Variants in QSOX1 observed in about 807,000 individuals in gnomAD.
QSOX1 encodes the protein sulfhydryl oxidase 1.
A neutral mutation model predicts 76.1 loss-of-function variants in QSOX1; 40 were observed. The ratio of observed to expected loss-of-function variants is 0.53; its 90% CI spans 0.41 to 0.68. The LOEUF (loss-of-function observed/expected upper bound fraction) is 0.68, where lower values mean the gene tolerates loss of function less well. Among genes scored for constraint, QSOX1 ranks in the 30% least tolerant of loss-of-function variants. QSOX1 has a pLI of 0.00. For missense variants in QSOX1, 931 were observed against 974.3 expected, an observed-to-expected ratio of 0.96 and a Z score of 0.59; for synonymous variants, 392 against 413.1, an observed-to-expected ratio of 0.95 and a Z score of 0.62.
chr1:180,197,466 G>T lies in QSOX1; in HGVS notation c.*429G>T. 9.1e-6 allele frequency: 13 copies of T among 1,424,146 alleles called. No homozygotes were observed. The highest frequency in any genetic ancestry group is 2.3e-5 in the East Asian group (1 of 43,880). The allele number at this position is 1,424,146 out of a possible 1,614,324, so 88.2% of individuals were successfully genotyped here. ...GCTGGAATGGAACTCCTCACTAGCT[G>T]CTGGGGCTCCGCCCACCCTGCTCCC... On this transcript the variant is annotated 3_prime_UTR_variant, in exon 12 of 12. Coordinates refer to ENST00000367602, the MANE Select transcript of QSOX1 (RefSeq NM_002826.5).
At chr1:180,193,155 T>G (rs1407327229) in intron 10 of QSOX1, among the ~76,000 whole-genome samples, 2 of 152,048 alleles carry the variant, frequency 1.3e-5, no homozygotes, top group Non-Finnish European at 2.9e-5. Context: ...GGAACTTCTT[T>G]ATGATCATCC....
At chr1:180,190,677 C>T (rs1663286962) in intron 10 of QSOX1, 97 bp downstream of exon 10, 3 of 1,402,878 alleles carry the variant, frequency 2.1e-6, no homozygotes, top group Middle Eastern at 2.6e-4. Flanking sequence ...TGAATTGCCC[C>T]ACTGGCTCCC....
chr1:180,169,056 C>G (rs1382750160), intron 2 of QSOX1, among the ~76,000 whole-genome samples: 1 of 152,252 alleles, frequency 6.6e-6, no homozygotes, highest in Non-Finnish European at 1.5e-5. Flanking sequence ...CCCCTTGTCA[C>G]TATGAGCAAA....
chr1:180,184,075 A>G, intron 7 of QSOX1, 25 bp downstream of exon 7: 2 of 1,612,088 alleles, frequency 1.2e-6, no homozygotes, highest in Non-Finnish European at 1.7e-6. Context: ...GGTTCTCCTC[A>G]CTTCTTCTCC....
Position 180,197,419 on chromosome 1 carries a change from G to A in QSOX1, c.*382G>A. 1 of 1,602,882 alleles carries A rather than the reference G, an allele frequency of 6.2e-7. No homozygotes were observed. The highest frequency in any genetic ancestry group is 1.3e-5 in the African/African-American group (1 of 74,840). On this transcript the variant is annotated 3_prime_UTR_variant, in exon 12 of 12. Coordinates refer to ENST00000367602, the MANE Select transcript of QSOX1 (RefSeq NM_002826.5). Reference sequence around the variant, plus strand: ...CTCAACTGGGGCAAGTGAAGCCAGAGGAGGGTCCCCCAGCTGGGTGGGCTG... The same window carrying A: ...CTCAACTGGGGCAAGTGAAGCCAGAAGAGGGTCCCCCAGCTGGGTGGGCTG...
rs371582361 is a variant in QSOX1 at position 180,195,001 on chromosome 1, G to GT, written c.1468+609_1468+610insT. 7.0e-3 allele frequency among the ~76,000 whole-genome samples: 1,044 copies of GT among 149,202 alleles called. 37 individuals are homozygous for GT. The highest frequency in any genetic ancestry group is 0.024 in the African/African-American group (991 of 40,814). On this transcript the variant is annotated intron_variant, in intron 11 of 11. Transcript: ENST00000367602. ...ACGTGGCTGTGACAGCCTCCCGGGGGGGGGAGACCAGGGCGGAGCCGAGGT... is the reference window on the plus strand; with the variant it reads ...ACGTGGCTGTGACAGCCTCCCGGGGGTGGGGAGACCAGGGCGGAGCCGAGGT...
intron 1 of QSOX1, among the ~76,000 whole-genome samples, chr1:180,162,749 A>C (rs573331981): frequency 1.3e-5 from 2 of 152,326 alleles, no homozygotes; most frequent in Non-Finnish European, 2.9e-5. Flanking sequence ...AAACAAAAAC[A>C]AAAAAGCAAA....
intron 1 of QSOX1, 24 bp from the exon 2 acceptor site, chr1:180,166,466 AC>A (rs906141564): frequency 1.9e-6 from 3 of 1,600,724 alleles, no homozygotes; most frequent in Non-Finnish European, 2.6e-6. Flanking sequence ...CCTCTTATTT[AC>A]CCCTGGGTTT....
chr1:180,188,254 C>A (rs1663221572), intron 8 of QSOX1, among the ~76,000 whole-genome samples: 1 of 152,188 alleles, frequency 6.6e-6, no homozygotes, highest in African/African-American at 2.4e-5. Context: ...AGCTGCCAGC[C>A]CTGCAGGTGC....
intron 1 of QSOX1, among the ~76,000 whole-genome samples, chr1:180,164,690 T>C (rs1219274565): frequency 6.6e-6 from 1 of 152,232 alleles, no homozygotes; most frequent in African/African-American, 2.4e-5. Context: ...TTAGGAGCTC[T>C]GATACCTTCT....
intron 10 of QSOX1, among the ~76,000 whole-genome samples, chr1:180,193,484 G>T (rs1663376211): frequency 6.6e-6 from 1 of 152,020 alleles, no homozygotes; most frequent in Non-Finnish European, 1.5e-5. Context: ...AAAAGCAGGA[G>T]ATTGGCTTCT....
chr1:180,191,578 T>C (rs893080396), intron 10 of QSOX1, among the ~76,000 whole-genome samples: 1 of 152,192 alleles, frequency 6.6e-6, no homozygotes, highest in African/African-American at 2.4e-5. Context: ...ATGAGACAGG[T>C]CCCTGCCCCC....
In QSOX1 at chr1:180,197,842, C is replaced by G. The variant is rs1489226561; in HGVS notation, c.*805C>G. On this transcript the variant is annotated 3_prime_UTR_variant, in exon 12 of 12. Coordinates refer to ENST00000367602, the MANE Select transcript of QSOX1 (RefSeq NM_002826.5). ...CTTTTGTCCTTTTTTATTTTGGTCT[C>G]CAAGATGAATGCTCATCTTTGGAGG... 3.8e-6 allele frequency: 1 copy of G among 264,194 alleles called. No homozygotes were observed. Among genetic ancestry groups the G allele is most frequent in the Non-Finnish European group, 7.5e-6 (1 of 132,856 alleles). The allele number at this position is 264,194 out of a possible 1,614,324, so 16.4% of individuals were successfully genotyped here. A position where few individuals can be genotyped will look rare whatever the true frequency, so the allele number is the denominator to read the frequency against.
chr1:180,190,961 T>C (rs1006720065), intron 10 of QSOX1, among the ~76,000 whole-genome samples: 4 of 152,214 alleles, frequency 2.6e-5, no homozygotes, highest in African/African-American at 9.7e-5. Flanking sequence ...ATTTTACAGT[T>C]TACATAGCTG....
At chr1:180,179,820 G>A (rs1662986257) in intron 5 of QSOX1, among the ~76,000 whole-genome samples, 2 of 152,238 alleles carry the variant, frequency 1.3e-5, no homozygotes. Context: ...AGGCCTCTCA[G>A]CCCTGAGAGA....
chr1:180,180,769 C>T (rs796883927), intron 5 of QSOX1, among the ~76,000 whole-genome samples: 29 of 152,280 alleles, frequency 1.9e-4, no homozygotes, highest in African/African-American at 6.7e-4. Context: ...ACCACCTTGG[C>T]CTCCCAAAAT....
chr1:180,197,769 G>A lies in QSOX1; in HGVS notation c.*732G>A. 3.8e-6 allele frequency: 1 copy of A among 262,654 alleles called. No individual in the cohort carries two copies. 16.3% of individuals were successfully genotyped at this position (262,654 alleles called of 1,614,324 possible). A position where few individuals can be genotyped will look rare whatever the true frequency, so the allele number is the denominator to read the frequency against. ...CCCTGGCTTAGCTGCAGGAGAAGATGGCTGCTTTCACTTCCCCCCATTGAG... is the reference window on the plus strand; with the variant it reads ...CCCTGGCTTAGCTGCAGGAGAAGATAGCTGCTTTCACTTCCCCCCATTGAG... On this transcript the variant is annotated 3_prime_UTR_variant, in exon 12 of 12. Transcript: ENST00000367602.
Position 180,154,922 on chromosome 1 carries a change from C to T in QSOX1, c.15C>T (p.Asn5=), listed in dbSNP as rs1051847014. 11 of 1,464,778 alleles carry T rather than the reference C, an allele frequency of 7.5e-6. No individual in the cohort carries two copies. Among genetic ancestry groups the T allele is most frequent in the African/African-American group, 3.0e-5 (2 of 67,698 alleles). 90.7% of individuals were successfully genotyped at this position (1,464,778 alleles called of 1,614,324 possible). MRRC[N]SGSGPPPSLL... is the part of the protein sequence containing the mutation. ...CAGCGCCGAGGATGAGGAGGTGCAA[C>T]AGCGGCTCCGGGCCGCCGCCGTCGC... The change falls in exon 1 of 12, where the codon AAC becomes AAT. Residue 5 remains asparagine (N), a synonymous_variant. Coordinates refer to ENST00000367602, the MANE Select transcript of QSOX1 (RefSeq NM_002826.5).
At chr1:180,167,993 C>A (rs1662670622) in intron 2 of QSOX1, among the ~76,000 whole-genome samples, 1 of 152,208 alleles carries the variant, frequency 6.6e-6, no homozygotes, top group East Asian at 1.9e-4. Flanking sequence ...TCCCAGTGAG[C>A]ATGAGCCGCA....
Sources: gnomAD v4.1 joint callset for allele counts (sites outside exome capture counted in the v4.1 genomes callset) on GRCh38, gnomAD v4.1.1 for gene constraint, MANE v1.5 for transcripts, NCBI Gene and HGNC (gene_info 2026-07-23, HGNC 2026-07-21) for gene names.